The following TMTC1 variants were observed in gnomAD, a reference collection of about 807,000 sequenced individuals.
The protein encoded by TMTC1 is protein O-mannosyl-transferase TMTC1.
TMTC1 carries 73 observed loss-of-function variants against 104.8 expected under a neutral mutation model. The ratio of observed to expected loss-of-function variants is 0.70; its 90% CI spans 0.58 to 0.85. The LOEUF (loss-of-function observed/expected upper bound fraction) is 0.85, where lower values mean the gene tolerates loss of function less well. Ranked by LOEUF, TMTC1 falls within the 40% of genes least tolerant of loss-of-function variation. The pLI is 0.00. For synonymous variants in TMTC1, 434 were observed against 428.7 expected (o/e 1.01, Z -0.15); for missense variants, 1,035 against 1,096.1 (o/e 0.94, Z 0.79).
intron 9 of TMTC1, among the ~76,000 whole-genome samples, chr12:29,561,913 T>A (rs1461173326): frequency 6.6e-6 from 1 of 152,186 alleles, no homozygotes; most frequent in Non-Finnish European, 1.5e-5. Context: ...CTATTTCCTG[T>A]TGAGAAAATA....
chr12:29,647,183 C>T (rs1454768878), intron 5 of TMTC1, among the ~76,000 whole-genome samples: 2 of 152,002 alleles, frequency 1.3e-5, no homozygotes, highest in East Asian at 3.9e-4. Flanking sequence ...CCAGGCCTAG[C>T]TAATTTTTGT....
chr12:29,593,839 T>G (rs953808891), intron 7 of TMTC1, among the ~76,000 whole-genome samples: 3 of 152,246 alleles, frequency 2.0e-5, no homozygotes, highest in Admixed American at 2.0e-4. Flanking sequence ...CTTTTTAGGA[T>G]AGAATAACAT....
intron 6 of TMTC1, among the ~76,000 whole-genome samples, chr12:29,610,737 T>A (rs898918134): frequency 6.6e-6 from 1 of 152,084 alleles, no homozygotes; most frequent in Non-Finnish European, 1.5e-5. Flanking sequence ...ACAACCCACA[T>A]CTCAAATGTA....
chr12:29,648,548 A>T (rs1939374215), intron 5 of TMTC1, among the ~76,000 whole-genome samples: 1 of 152,148 alleles, frequency 6.6e-6, no homozygotes, highest in Non-Finnish European at 1.5e-5. Flanking sequence ...TTCAAACCAG[A>T]GGCAGACAGA....
intron 2 of TMTC1, among the ~76,000 whole-genome samples, chr12:29,760,016 T>C (rs1034236766): frequency 1.3e-5 from 2 of 152,194 alleles, no homozygotes; most frequent in African/African-American, 2.4e-5. Context: ...CATATTTCTA[T>C]TGTATATTTT....
chr12:29,770,674 T>C (rs559784688), intron 1 of TMTC1, among the ~76,000 whole-genome samples: 87 of 152,308 alleles, frequency 5.7e-4, no homozygotes, highest in African/African-American at 1.7e-3. Flanking sequence ...ACCTGGAACC[T>C]AACATTGGTG....
At position 29,639,084 on chromosome 12, in the gene TMTC1, T is replaced by C. The variant is rs113787211; in HGVS notation, c.939-5748A>G. Among the ~76,000 whole-genome samples the C allele has an allele frequency of 5.7e-3, 871 of 152,324 alleles. 6 individuals carry two copies. Among genetic ancestry groups the C allele is most frequent in the African/African-American group, 0.02 (818 of 41,556 alleles). ...CACAGGGAAACTTCACTTGAATTCA[T>C]TAAACATTGAATAATTATCCCGTAC... On this transcript the variant is annotated intron_variant, in intron 5 of 17. Transcript: ENST00000539277.
intron 7 of TMTC1, among the ~76,000 whole-genome samples, chr12:29,597,066 C>T (rs577467343): frequency 1.7e-3 from 265 of 152,274 alleles, no homozygotes; most frequent in African/African-American, 6.3e-3. Flanking sequence ...GGACTGCTGC[C>T]TCTCTTGGCA....
chr12:29,604,169 A>G lies in TMTC1; in HGVS notation c.1250+9T>C. ...GGTCTTGTAGGAGGAAGTCACGTGC[A>G]ATAGTTACCTAGGCATGTAAAGGAC... On this transcript the variant is annotated intron_variant, in intron 7 of 17. Transcript: ENST00000539277. The G allele has an allele frequency of 1.2e-6, 2 of 1,613,370 alleles. No homozygotes were observed. The highest frequency in any genetic ancestry group is 1.7e-6 in the Non-Finnish European group (2 of 1,179,502).
intron 7 of TMTC1, among the ~76,000 whole-genome samples, chr12:29,592,871 A>C (rs1203647236): frequency 1.3e-5 from 2 of 152,240 alleles, no homozygotes; most frequent in Admixed American, 6.5e-5. Flanking sequence ...TAGAGTAAGA[A>C]GCAGGAAATG....
At chr12:29,586,373 A>C (rs555783865) in intron 7 of TMTC1, among the ~76,000 whole-genome samples, 1 of 152,172 alleles carries the variant, frequency 6.6e-6, no homozygotes, top group Non-Finnish European at 1.5e-5. Context: ...CAATCATGTC[A>C]TCTGCAAACA....
chr12:29,689,087 C>G (rs1010592191), intron 5 of TMTC1, among the ~76,000 whole-genome samples: 3 of 152,146 alleles, frequency 2.0e-5, no homozygotes, highest in Non-Finnish European at 2.9e-5. Context: ...GCACTGGTAA[C>G]TATTTTAGGC....
At chr12:29,649,390 T>C (rs1430435339) in intron 5 of TMTC1, among the ~76,000 whole-genome samples, 1 of 152,164 alleles carries the variant, frequency 6.6e-6, no homozygotes, top group Non-Finnish European at 1.5e-5. Flanking sequence ...GTGACTAACA[T>C]AAATACAGTC....
intron 3 of TMTC1, among the ~76,000 whole-genome samples, chr12:29,757,737 T>C (rs1943248190): frequency 1.3e-5 from 2 of 152,144 alleles, no homozygotes; most frequent in East Asian, 3.9e-4. Context: ...CAGTTCCACA[T>C]GGCTGGGGAG....
In TMTC1 at chr12:29,554,736, G is replaced by T. The variant is rs148298103; in HGVS notation, c.1676+2121C>A. ...ATACAAAAAGCTTAGCCAGCCATGG[G>T]GGGGCATGCCTATAGTCCCACCTAC... is the stretch of plus-strand genomic sequence containing the variant. On this transcript the variant is annotated intron_variant, in intron 10 of 17. Transcript: ENST00000539277. Among the ~76,000 whole-genome samples the T allele has an allele frequency of 2.0e-3, 297 of 152,160 alleles. 1 individual carries two copies. Among genetic ancestry groups the T allele is most frequent in the Non-Finnish European group, 1.6e-3 (108 of 67,996 alleles).
chr12:29,707,982 T>C (rs1941794713), intron 5 of TMTC1, among the ~76,000 whole-genome samples: 1 of 152,144 alleles, frequency 6.6e-6, no homozygotes, highest in East Asian at 1.9e-4. Context: ...ATGGAAGACA[T>C]GTAGTGAACC....
At chr12:29,559,361 A>G (rs548449983) in intron 9 of TMTC1, among the ~76,000 whole-genome samples, 12 of 152,286 alleles carry the variant, frequency 7.9e-5, no homozygotes, top group Admixed American at 7.8e-4. Context: ...TGAATTTTAT[A>G]TTCACTCATG....
chr12:29,641,283 C>G (rs1938837676), intron 5 of TMTC1: 1 of 152,470 alleles, frequency 6.6e-6, no homozygotes. Flanking sequence ...AGGAGGCCAA[C>G]CAGCACAAAA....
intron 15 of TMTC1, 55 bp downstream of exon 15, chr12:29,516,294 G>A: frequency 1.3e-6 from 2 of 1,561,396 alleles, no homozygotes; most frequent in Non-Finnish European, 1.7e-6. Flanking sequence ...TCACTTAGGT[G>A]CACCCCATGT....
Sources: gnomAD v4.1 joint callset for allele counts (sites outside exome capture counted in the v4.1 genomes callset) on GRCh38, gnomAD v4.1.1 for gene constraint, MANE v1.5 for transcripts, NCBI Gene and HGNC (gene_info 2026-07-23, HGNC 2026-07-21) for gene names.